Variants in RBPMS observed in about 807,000 individuals in gnomAD.
The protein encoded by RBPMS is RNA binding protein, mRNA processing factor, also known as RNA-binding protein with multiple splicing.
RBPMS carries 7 observed loss-of-function variants against 26.8 expected under a neutral mutation model. That is an observed-to-expected ratio of 0.26 (90% confidence interval 0.15 to 0.49). The LOEUF (loss-of-function observed/expected upper bound fraction) is 0.49. RBPMS is among the 20% of genes least tolerant of loss of function. The pLI is 0.98. For synonymous variants in RBPMS, 96 were observed against 93.3 expected (o/e 1.03, Z -0.17); for missense variants, 186 against 250.0 (o/e 0.74, Z 1.73).
chr8:30,549,126 G>T (rs2151060901), intron 6 of RBPMS, among the ~76,000 whole-genome samples: 1 of 152,304 alleles, frequency 6.6e-6, no homozygotes, highest in African/African-American at 2.4e-5. Context: ...TGTGAGGGTG[G>T]TTGGTCCCAC....
rs188821856 is a variant in RBPMS, at chr8:30,520,161, C to T, written c.397+15725C>T. ...CGACTTCATGTATTGATCTTTTCCT[C>T]ATTACTTCATTAGTGACTGAAAAAT... On this transcript the variant is annotated intron_variant, in intron 5 of 8. Transcript: ENST00000397323. 3.3e-5 allele frequency among the ~76,000 whole-genome samples: 5 copies of T among 152,298 alleles called. No individual in the cohort carries two copies. The East Asian group carries it at 7.7e-4, about 24-fold the overall frequency.
chr8:30,448,982 G>A (rs566568278), intron 1 of RBPMS, among the ~76,000 whole-genome samples: 1 of 152,274 alleles, frequency 6.6e-6, no homozygotes, highest in South Asian at 2.1e-4. Context: ...TCAGCCCCTG[G>A]GATTGAAGTC....
rs983128223 is a variant in RBPMS at position 30,556,149 on chromosome 8, G to A, written c.529-2738G>A. 3.5e-5 allele frequency: 34 copies of A among 985,266 alleles called. No homozygotes were observed. In the African/African-American group the frequency reaches 4.4e-4, roughly 13 times the overall value. The allele number at this position is 985,266 out of a possible 1,614,324, so 61.0% of individuals were successfully genotyped here. A position where few individuals can be genotyped will look rare whatever the true frequency, so the allele number is the denominator to read the frequency against. The stretch of plus-strand genomic sequence containing the variant: ...CATAGTGTCCTAGCCTGAGACACAA[G>A]AGCAATGAATTCAGGGGTCTGTGTG... On this transcript the variant is annotated intron_variant, in intron 6 of 8. Coordinates refer to ENST00000397323, the MANE Select transcript of RBPMS (RefSeq NM_001008710.3).
Position 30,504,270 on chromosome 8 carries a change from T to G in RBPMS, c.247-16T>G. The G allele has an allele frequency of 6.2e-7, 1 of 1,613,868 alleles. No individual in the cohort carries two copies. Among genetic ancestry groups the G allele is most frequent in the Non-Finnish European group, 8.5e-7 (1 of 1,179,744 alleles). On this transcript the variant is annotated splice_polypyrimidine_tract_variant and intron_variant, in intron 4 of 8. Transcript: ENST00000397323. ...AGGAAATGAAAACATCTTCCATTTG[T>G]TCTCTGTTTCCAAAGGGCATCCGCT...
intron 5 of RBPMS, among the ~76,000 whole-genome samples, chr8:30,507,101 T>C (rs1821151694): frequency 2.0e-5 from 3 of 152,166 alleles, no homozygotes; most frequent in African/African-American, 4.8e-5. Context: ...GTGCCAGGGA[T>C]GGAGAGTGAG....
At chr8:30,504,557 G>C in intron 5 of RBPMS, 121 bp downstream of exon 5, 1 of 970,432 alleles carries the variant, frequency 1.0e-6, no homozygotes, top group South Asian at 2.0e-5. Flanking sequence ...TCTGTGAAGA[G>C]GTTGCCTAGG....
chr8:30,543,988 A>G (rs1825647363), intron 5 of RBPMS, among the ~76,000 whole-genome samples: 1 of 152,200 alleles, frequency 6.6e-6, no homozygotes. Flanking sequence ...TACGTGGAAA[A>G]TGCTTGATGA....
chr8:30,491,414 A>G (rs1483084062), intron 4 of RBPMS, among the ~76,000 whole-genome samples: 1 of 152,030 alleles, frequency 6.6e-6, no homozygotes, highest in Non-Finnish European at 1.5e-5. Context: ...TTGGTATTTC[A>G]TTTCATTAAC....
At chr8:30,531,846 T>TGA (rs1294857372) in intron 5 of RBPMS, among the ~76,000 whole-genome samples, 1 of 152,236 alleles carries the variant, frequency 6.6e-6, no homozygotes, top group African/African-American at 2.4e-5. Context: ...TTCAGGGGAC[T>TGA]GAGGTACATG....
At chr8:30,551,768 TCAAA>T (rs952170141) in intron 6 of RBPMS, among the ~76,000 whole-genome samples, 7 of 152,270 alleles carry the variant, frequency 4.6e-5, no homozygotes, top group East Asian at 1.9e-4. Flanking sequence ...GTTTTTTAAA[TCAAA>T]CAAACCTGAT....
intron 6 of RBPMS, chr8:30,552,268 C>T (rs1179719392): frequency 6.6e-6 from 1 of 152,086 alleles, no homozygotes; most frequent in East Asian, 1.9e-4. Flanking sequence ...TATGTGAACT[C>T]TAACTGCTTT....
At position 30,416,792 on chromosome 8, in the gene RBPMS, CAG is replaced by C. The variant is rs1264892079; in HGVS notation, c.66+31637_66+31638del. 2.0e-5 allele frequency among the ~76,000 whole-genome samples: 3 copies of C among 151,408 alleles called. 1 individual carries two copies. The highest frequency in any genetic ancestry group is 2.9e-5 in the Non-Finnish European group (2 of 67,906). On this transcript the variant is annotated intron_variant, in intron 1 of 8. Transcript: ENST00000397323. ...CCTGCCTTTTTTTCTGTTTTTGAGA[CAG>C]AGTCTCCCTCAGTCGCCTAGGCTGG...
intron 1 of RBPMS, among the ~76,000 whole-genome samples, chr8:30,388,747 T>C (rs1348175783): frequency 6.6e-6 from 1 of 152,136 alleles, no homozygotes; most frequent in African/African-American, 2.4e-5. Context: ...ATCCATGTCA[T>C]TGAGTACTTT....
chr8:30,417,696 C>T (rs777558149), intron 1 of RBPMS, among the ~76,000 whole-genome samples: 1 of 151,894 alleles, frequency 6.6e-6, no homozygotes, highest in Non-Finnish European at 1.5e-5. Context: ...TGTCTTTTAT[C>T]TTTTTTGCTC....
At chr8:30,551,975 C>T (rs1826422116) in intron 6 of RBPMS, among the ~76,000 whole-genome samples, 2 of 152,166 alleles carry the variant, frequency 1.3e-5, no homozygotes, top group Admixed American at 1.3e-4. Context: ...CAATGCCTTC[C>T]CTTTGTCAGG....
chr8:30,410,505 G>A (rs913028961), intron 1 of RBPMS, among the ~76,000 whole-genome samples: 8 of 151,976 alleles, frequency 5.3e-5, no homozygotes, highest in Non-Finnish European at 8.8e-5. Flanking sequence ...ACCGTGCCTG[G>A]CCAACTACTA....
At chr8:30,455,132 T>C (rs987226554) in intron 1 of RBPMS, among the ~76,000 whole-genome samples, 1 of 152,236 alleles carries the variant, frequency 6.6e-6, no homozygotes, top group African/African-American at 2.4e-5. Flanking sequence ...CTCAAATTCT[T>C]GTATTTTATA....
At chr8:30,440,508 G>A (rs1331847633) in intron 1 of RBPMS, among the ~76,000 whole-genome samples, 2 of 152,160 alleles carry the variant, frequency 1.3e-5, no homozygotes, top group East Asian at 1.9e-4. Flanking sequence ...ATGTCGTAGC[G>A]TGTGCCAGAA....
chr8:30,510,002 T>C (rs1821418730), intron 5 of RBPMS, among the ~76,000 whole-genome samples: 1 of 152,228 alleles, frequency 6.6e-6, no homozygotes, highest in African/African-American at 2.4e-5. Flanking sequence ...TTCTGCATTT[T>C]GAATTTTGAA....
Sources: gnomAD v4.1 joint callset for allele counts (sites outside exome capture counted in the v4.1 genomes callset) on GRCh38, gnomAD v4.1.1 for gene constraint, MANE v1.5 for transcripts, NCBI Gene and HGNC (gene_info 2026-07-23, HGNC 2026-07-21) for gene names.